NRK: variants seen among roughly 807,000 people sequenced by gnomAD.
The protein encoded by NRK is Nik related kinase.
A neutral mutation model predicts 125.2 loss-of-function variants in NRK; 67 were observed. The observed-to-expected ratio is 0.54, with a 90% CI of 0.44 to 0.66. The LOEUF (loss-of-function observed/expected upper bound fraction) is 0.66. NRK is among the 30% of genes least tolerant of loss of function. NRK has a pLI of 0.00. For missense variants in NRK, 1,224 were observed against 1,192.9 expected, an observed-to-expected ratio of 1.03 and a Z score of -0.38; for synonymous variants, 458 against 429.0, an observed-to-expected ratio of 1.07 and a Z score of -0.84.
chrX:105,826,070 A>C (rs1208219549), intron 1 of NRK, among the ~76,000 whole-genome samples: 1 of 98,669 alleles, frequency 1.0e-5, no homozygotes, highest in African/African-American at 3.7e-5. Context: ...ATATATATAT[A>C]TACACATACA....
In NRK at chrX:105,923,144, A is replaced by G. The variant is rs1228742237; in HGVS notation, c.2637A>G (p.Lys879=). The G allele has an allele frequency of 1.7e-6, 2 of 1,200,759 alleles. No individual in the cohort carries two copies. The highest frequency in any genetic ancestry group is 4.4e-5 in the Admixed American group (2 of 45,432). Residue 879 remains lysine (K), a synonymous_variant, in exon 18 of 29, where the codon AAA becomes AAG. Coordinates refer to ENST00000243300, the MANE Select transcript of NRK (RefSeq NM_198465.4). ...TTCCAGATGGATTTAAAGTAGGAAA[A>G]ATATCACCCCCTGTATACTTGACAA... is the stretch of plus-strand genomic sequence containing the variant. ...IHVPDGFKVG[K]ISPPVYLTNE...
intron 2 of NRK, among the ~76,000 whole-genome samples, chrX:105,853,193 C>T (rs983193704): frequency 1.8e-5 from 2 of 111,734 alleles, no homozygotes; most frequent in African/African-American, 6.5e-5. Flanking sequence ...TCAGTATCAC[C>T]CAGAAACTTG....
intron 1 of NRK, among the ~76,000 whole-genome samples, chrX:105,828,184 A>G (rs1160618135): frequency 3.6e-5 from 4 of 112,219 alleles, no homozygotes; most frequent in Non-Finnish European, 7.5e-5. Context: ...AAAATAGCAT[A>G]TAGAACTAAA....
At chrX:105,948,604 C>T in intron 26 of NRK, 1 of 481,638 alleles carries the variant, frequency 2.1e-6, no homozygotes, top group Non-Finnish European at 3.6e-6. Flanking sequence ...TTCTTTTACT[C>T]TCTTCCTTTA....
intron 1 of NRK, among the ~76,000 whole-genome samples, chrX:105,827,072 A>G (rs756192533): frequency 9.0e-6 from 1 of 111,525 alleles, no homozygotes; most frequent in East Asian, 2.8e-4. Context: ...ACGTAGCGAG[A>G]GTCTATACAG....
chrX:105,822,419 G>T (rs1415866259), upstream of NRK: 1 of 160,885 alleles, frequency 6.2e-6, no homozygotes, highest in Non-Finnish European at 1.2e-5. Context: ...CTGCCTCCCC[G>T]CCGGGCGGCT....
intron 3 of NRK, 43 bp from the exon 4 acceptor site, chrX:105,881,665 G>A: frequency 1.3e-6 from 1 of 755,923 alleles, no homozygotes; most frequent in Non-Finnish European, 2.0e-6. Context: ...ATCATTTTTA[G>A]AGTGTACCAG....
At chrX:105,825,902 G>A (rs1260256467) in intron 1 of NRK, among the ~76,000 whole-genome samples, 1 of 107,658 alleles carries the variant, frequency 9.3e-6, no homozygotes, top group Non-Finnish European at 1.9e-5. Context: ...GAGATTTGTG[G>A]TTTGTGTTTC....
chrX:105,939,131 CTTCA>C (rs2040703694), intron 22 of NRK, among the ~76,000 whole-genome samples: 1 of 111,421 alleles, frequency 9.0e-6, no homozygotes, highest in Non-Finnish European at 1.9e-5. Context: ...CCTAACACTG[CTTCA>C]AAAATGTTGT....
chrX:105,876,716 C>T (rs1403405573), intron 2 of NRK, among the ~76,000 whole-genome samples: 8 of 111,732 alleles, frequency 7.2e-5, no homozygotes, highest in South Asian at 3.7e-4. Flanking sequence ...ATGTTGTTAA[C>T]GTAATTTGCC....
In NRK at chrX:105,937,429, A is replaced by G. The variant is rs761763732; in HGVS notation, c.3656-10A>G. 2.6e-6 allele frequency: 3 copies of G among 1,147,725 alleles called. No individual in the cohort carries two copies. In the African/African-American group the frequency reaches 5.4e-5, roughly 21 times the overall value. 94.6% of individuals were successfully genotyped at this position (1,147,725 alleles called of 1,213,427 possible). A position where few individuals can be genotyped will look rare whatever the true frequency, so the allele number is the denominator to read the frequency against. On this transcript the variant is annotated splice_polypyrimidine_tract_variant and intron_variant, in intron 21 of 28. Coordinates refer to ENST00000243300, the MANE Select transcript of NRK (RefSeq NM_198465.4). ...TCTGAGCTAATATAGCACTTTTTAT[A>G]TATGAACAGGAGTCAATTTGCTGTT...
chrX:105,876,401 A>T (rs754525606), intron 2 of NRK, among the ~76,000 whole-genome samples: 4 of 110,962 alleles, frequency 3.6e-5, no homozygotes, highest in Non-Finnish European at 7.6e-5. Flanking sequence ...TACAATTTTT[A>T]TTTATCAATT....
intron 17 of NRK, among the ~76,000 whole-genome samples, chrX:105,922,262 T>A (rs1261469478): frequency 8.9e-6 from 1 of 111,974 alleles, no homozygotes; most frequent in Non-Finnish European, 1.9e-5. Flanking sequence ...AAACATTTAA[T>A]CAATCAGAGA....
intron 26 of NRK, chrX:105,948,676 C>T (rs919718944): frequency 1.4e-5 from 7 of 504,985 alleles, no homozygotes; most frequent in South Asian, 5.2e-5. Flanking sequence ...AATTGCTTTT[C>T]GTCTCTGGAT....
intron 9 of NRK, 106 bp from the exon 10 acceptor site, chrX:105,905,159 C>T (rs2040204348): frequency 1.8e-6 from 1 of 566,526 alleles, no homozygotes; most frequent in Non-Finnish European, 3.0e-6. Context: ...TTAGTGTCTA[C>T]TCAACATAAT....
intron 9 of NRK, among the ~76,000 whole-genome samples, chrX:105,902,465 A>G (rs747475303): frequency 8.9e-6 from 1 of 112,587 alleles, no homozygotes; most frequent in East Asian, 2.8e-4. Flanking sequence ...TTATTATCTC[A>G]TAAGGGATGG....
chrX:105,948,617 T>A lies in NRK; in HGVS notation c.4354-958T>A, dbSNP rs188953313. ...ATTTCTTTTACTCTCTTCCTTTATC[T>A]TTTTTTTCTGATTCAATTGCTCATG... On this transcript the variant is annotated intron_variant, in intron 26 of 28. Coordinates refer to ENST00000243300, the MANE Select transcript of NRK (RefSeq NM_198465.4). 163 of 483,021 alleles carry A rather than the reference T, an allele frequency of 3.4e-4. No homozygotes were observed. In the East Asian group the frequency reaches 6.0e-3, roughly 18 times the overall value. 39.8% of individuals were successfully genotyped at this position (483,021 alleles called of 1,213,427 possible). A position where few individuals can be genotyped will look rare whatever the true frequency, so the allele number is the denominator to read the frequency against.
chrX:105,923,218 G>C lies in NRK; in HGVS notation c.2711G>C (p.Trp904Ser), dbSNP rs754592504. Reference sequence around the variant, plus strand: ...CTCTCTGAAATCTTCCGGAATGATTGGTTAACTCCGGCACCTGTCATTCAG... The same window carrying C: ...CTCTCTGAAATCTTCCGGAATGATTCGTTAACTCCGGCACCTGTCATTCAG... ...NALSEIFRND[W>S]LTPAPVIQPP... The change falls in exon 18 of 29, where the codon TGG becomes TCG. Residue 904 changes from tryptophan to serine, a missense_variant. Physicochemically the swap from Trp to Ser is radical, Grantham distance 177 (BLOSUM62 -3). Transcript: ENST00000243300. 3 of 1,208,844 alleles carry C rather than the reference G, an allele frequency of 2.5e-6. No individual in the cohort carries two copies. The highest frequency in any genetic ancestry group is 3.0e-5 in the East Asian group (1 of 33,767).
intron 19 of NRK, among the ~76,000 whole-genome samples, chrX:105,926,112 A>T (rs2040520501): frequency 9.0e-6 from 1 of 111,122 alleles, no homozygotes; most frequent in African/African-American, 3.3e-5. Flanking sequence ...ACCAACATTA[A>T]TTTTTTATGT....
Sources: allele counts gnomAD v4.1 joint callset (sites outside exome capture counted in the v4.1 genomes callset), GRCh38; gene constraint gnomAD v4.1.1; transcripts MANE v1.5; gene names NCBI Gene and HGNC (gene_info 2026-07-23, HGNC 2026-07-21).